The following CADM1 variants were observed in gnomAD, a reference collection of about 807,000 sequenced individuals.
CADM1 encodes TSLC-1.
Under a neutral mutation model 53.1 loss-of-function variants are expected in CADM1, and 15 were observed. That is an observed-to-expected ratio of 0.28 (90% CI 0.19 to 0.44). The LOEUF is 0.44. CADM1 is among the 20% of genes least tolerant of loss of function. The pLI is 1.00. For synonymous variants in CADM1, 281 were observed against 243.0 expected (o/e 1.16, Z -1.45); for missense variants, 434 against 611.3 (o/e 0.71, Z 3.06).
intron 1 of CADM1, among the ~76,000 whole-genome samples, chr11:115,266,328 A>C (rs1309583974): frequency 6.6e-6 from 1 of 152,224 alleles, no homozygotes; most frequent in Non-Finnish European, 1.5e-5. Flanking sequence ...AGCATTTACA[A>C]TGCTCAATTG....
intron 1 of CADM1, among the ~76,000 whole-genome samples, chr11:115,306,592 G>T (rs149799978): frequency 6.6e-6 from 1 of 151,950 alleles, no homozygotes; most frequent in Non-Finnish European, 1.5e-5. Flanking sequence ...AGTACTGAAC[G>T]TGGTATAAGA....
intron 1 of CADM1, among the ~76,000 whole-genome samples, chr11:115,295,944 C>G (rs950488744): frequency 6.6e-6 from 1 of 152,056 alleles, no homozygotes; most frequent in African/African-American, 2.4e-5. Flanking sequence ...AAGGCATTTT[C>G]TTTCTTTTCT....
intron 1 of CADM1, among the ~76,000 whole-genome samples, chr11:115,473,194 C>T (rs554659604): frequency 1.4e-3 from 215 of 152,322 alleles, no homozygotes; most frequent in African/African-American, 4.9e-3. Context: ...CATGATGGCT[C>T]ACGTGTATAA....
rs1173064919 is a variant in CADM1 at position 115,169,977 on chromosome 11, G to A, written c.*6497C>T. 8 of 192,064 alleles carry A rather than the reference G, an allele frequency of 4.2e-5. No individual in the cohort carries two copies. Among genetic ancestry groups the A allele is most frequent in the South Asian group, 9.9e-5 (1 of 10,140 alleles). 11.9% of individuals were successfully genotyped at this position (192,064 alleles called of 1,614,324 possible). A position where few individuals can be genotyped will look rare whatever the true frequency, so the allele number is the denominator to read the frequency against. On this transcript the variant is annotated 3_prime_UTR_variant, in exon 12 of 12. Coordinates refer to ENST00000331581, the MANE Select transcript of CADM1 (RefSeq NM_001301043.2). ...TCTGGAAGACTGAAATATCAATTAC[G>A]GATCAATTTTCCCCCTAAGTAAACA...
At chr11:115,198,261 CAAA>C (rs1037732222) in intron 9 of CADM1, 142 bp downstream of exon 9, 3 of 625,448 alleles carry the variant, frequency 4.8e-6, no homozygotes, top group African/African-American at 1.8e-5. Context: ...GACATCTTTT[CAAA>C]CCTTAAAAAA....
chr11:115,263,319 G>T (rs1336126883), intron 1 of CADM1, among the ~76,000 whole-genome samples: 3 of 152,224 alleles, frequency 2.0e-5, no homozygotes, highest in Non-Finnish European at 4.4e-5. Context: ...CTAAGAGGGA[G>T]CAGTATTAAA....
At chr11:115,351,196 G>A (rs1945727176) in intron 1 of CADM1, among the ~76,000 whole-genome samples, 1 of 152,080 alleles carries the variant, frequency 6.6e-6, no homozygotes, top group African/African-American at 2.4e-5. Context: ...GAAAAAGACT[G>A]GAAATTCCAC....
At chr11:115,251,577 A>C (rs1942607151) in intron 1 of CADM1, among the ~76,000 whole-genome samples, 2 of 152,184 alleles carry the variant, frequency 1.3e-5, no homozygotes, top group Admixed American at 6.5e-5. Context: ...TAATGCTGCA[A>C]CATTCAGCTT....
intron 1 of CADM1, among the ~76,000 whole-genome samples, chr11:115,249,568 T>G (rs958631547): frequency 6.6e-6 from 1 of 152,214 alleles, no homozygotes; most frequent in African/African-American, 2.4e-5. Flanking sequence ...TTTACTGGAT[T>G]AAAACTCAAA....
At chr11:115,301,665 C>T (rs1455402217) in intron 1 of CADM1, among the ~76,000 whole-genome samples, 3 of 152,044 alleles carry the variant, frequency 2.0e-5, no homozygotes, top group Non-Finnish European at 4.4e-5. Flanking sequence ...GAATTCTAGG[C>T]TTAGACAGAA....
chr11:115,292,152 C>G (rs529079319), intron 1 of CADM1, among the ~76,000 whole-genome samples: 9 of 152,160 alleles, frequency 5.9e-5, no homozygotes, highest in African/African-American at 2.2e-4. Flanking sequence ...TCCGCACAGT[C>G]GCTGACAACC....
chr11:115,484,207 T>C (rs890510807), intron 1 of CADM1, among the ~76,000 whole-genome samples: 1 of 152,194 alleles, frequency 6.6e-6, no homozygotes, highest in African/African-American at 2.4e-5. Flanking sequence ...CCCTACTAAC[T>C]AATATGGGCT....
At chr11:115,313,658 T>A (rs1452850998) in intron 1 of CADM1, among the ~76,000 whole-genome samples, 1 of 152,208 alleles carries the variant, frequency 6.6e-6, no homozygotes, top group Admixed American at 6.5e-5. Context: ...GGCCTGCTCC[T>A]CTGCATTTCC....
chr11:115,220,818 G>A (rs1335527670), intron 5 of CADM1, among the ~76,000 whole-genome samples: 1 of 152,098 alleles, frequency 6.6e-6, no homozygotes, highest in East Asian at 1.9e-4. Flanking sequence ...AGAAACCCTG[G>A]GATTCCACTG....
chr11:115,329,620 T>C (rs1945079218), intron 1 of CADM1, among the ~76,000 whole-genome samples: 1 of 152,036 alleles, frequency 6.6e-6, no homozygotes, highest in Admixed American at 6.6e-5. Context: ...AAAGCCCCAG[T>C]GGGTGTGCTA....
intron 1 of CADM1, among the ~76,000 whole-genome samples, chr11:115,404,064 G>C (rs1236898209): frequency 6.7e-6 from 1 of 150,214 alleles, no homozygotes; most frequent in African/African-American, 2.4e-5. Flanking sequence ...AGTTGCTCAC[G>C]CCTGTAATCC....
intron 8 of CADM1, among the ~76,000 whole-genome samples, chr11:115,204,501 G>A (rs949112492): frequency 6.6e-6 from 1 of 152,174 alleles, no homozygotes; most frequent in Non-Finnish European, 1.5e-5. Context: ...TTTGTTGAGT[G>A]CATAACTAAA....
intron 5 of CADM1, 24 bp downstream of exon 5, chr11:115,229,089 A>G (rs1278535482): frequency 6.2e-7 from 1 of 1,613,232 alleles, no homozygotes; most frequent in Admixed American, 1.7e-5. Context: ...CTACGCCCTC[A>G]GAATAAGATA....
intron 1 of CADM1, among the ~76,000 whole-genome samples, chr11:115,363,388 C>A (rs1046889820): frequency 3.9e-5 from 6 of 152,096 alleles, no homozygotes; most frequent in African/African-American, 1.2e-4. Flanking sequence ...CTCCAGGTAA[C>A]GTCTTTTCAA....
Sources: gnomAD v4.1 joint callset for allele counts (sites outside exome capture counted in the v4.1 genomes callset) on GRCh38, gnomAD v4.1.1 for gene constraint, MANE v1.5 for transcripts, NCBI Gene and HGNC (gene_info 2026-07-23, HGNC 2026-07-21) for gene names.